Variants in FRMD4B observed in about 807,000 individuals in gnomAD.
FRMD4B encodes FERM domain-containing protein 4B.
A neutral mutation model predicts 141.5 loss-of-function variants in FRMD4B; 74 were observed. The ratio of observed to expected loss-of-function variants is 0.52; its 90% CI spans 0.43 to 0.63. The LOEUF (loss-of-function observed/expected upper bound fraction) is 0.63, where lower values mean the gene tolerates loss of function less well. FRMD4B is among the 30% of genes least tolerant of loss of function. The pLI is 0.00. For synonymous variants in FRMD4B, 506 were observed against 467.9 expected (o/e 1.08, Z -1.05); for missense variants, 1,366 against 1,253.4 (o/e 1.09, Z -1.36).
intron 1 of FRMD4B, among the ~76,000 whole-genome samples, chr3:69,318,065 G>A (rs1701864591): frequency 6.6e-6 from 1 of 152,100 alleles, no homozygotes; most frequent in Admixed American, 6.6e-5. Context: ...TCGACCTCCT[G>A]GGCTCAAGTG....
chr3:69,219,396 A>G lies in FRMD4B; in HGVS notation c.732-1017T>C, dbSNP rs536428658. ...GGAAGTGTAATGAATAATTTGACAT[A>G]TTTTTTAAAAGTAAATGGCCCGCAT... On this transcript the variant is annotated intron_variant, in intron 9 of 22. Coordinates refer to ENST00000398540, the MANE Select transcript of FRMD4B (RefSeq NM_015123.3). Among the ~76,000 whole-genome samples the G allele has an allele frequency of 3.0e-4, 45 of 152,144 alleles. No individual in the cohort carries two copies. In the South Asian group the frequency reaches 4.6e-3, roughly 15 times the overall value.
At chr3:69,432,770 C>T (rs561108322) in intron 1 of FRMD4B, 1 of 152,304 alleles carries the variant, frequency 6.6e-6, no homozygotes, top group Non-Finnish European at 1.5e-5. Context: ...GCCTGTAATA[C>T]AGAAGAGAGA....
intron 1 of FRMD4B, among the ~76,000 whole-genome samples, chr3:69,320,403 G>T (rs1460331379): frequency 2.6e-5 from 4 of 151,846 alleles, no homozygotes; most frequent in Non-Finnish European, 5.9e-5. Flanking sequence ...GACCCACCTG[G>T]GCGACATAGT....
At chr3:69,421,227 A>G (rs554045847) in intron 2 of FRMD4B, among the ~76,000 whole-genome samples, 1 of 152,362 alleles carries the variant, frequency 6.6e-6, no homozygotes, top group Non-Finnish European at 1.5e-5. Context: ...ACAGTATACC[A>G]GCCAGGCCCT....
intron 5 of FRMD4B, among the ~76,000 whole-genome samples, chr3:69,252,943 C>T (rs2093472176): frequency 6.6e-6 from 1 of 152,004 alleles, no homozygotes; most frequent in Non-Finnish European, 1.5e-5. Context: ...GTAATATGAA[C>T]AGTATCAAGT....
At chr3:69,508,507 G>C (rs1263713319) in intron 1 of FRMD4B, among the ~76,000 whole-genome samples, 1 of 152,274 alleles carries the variant, frequency 6.6e-6, no homozygotes, top group East Asian at 1.9e-4. Context: ...GAGAATAGGG[G>C]AAGGGAGAAA....
intron 1 of FRMD4B, among the ~76,000 whole-genome samples, chr3:69,455,326 A>C (rs1294266958): frequency 1.3e-5 from 2 of 152,346 alleles, no homozygotes; most frequent in South Asian, 2.1e-4. Context: ...ACTCTTTGCA[A>C]TAAATTTTTG....
intron 1 of FRMD4B, among the ~76,000 whole-genome samples, chr3:69,540,095 AG>A (rs1403797680): frequency 6.6e-6 from 1 of 151,960 alleles, no homozygotes; most frequent in Admixed American, 6.6e-5. Flanking sequence ...AGGGAGGTTG[AG>A]GGAAGAGAAT....
chr3:69,172,026 T>C lies in FRMD4B; in HGVS notation c.2985-45A>G, dbSNP rs777417124. The C allele has an allele frequency of 4.4e-6, 7 of 1,598,152 alleles. No homozygotes were observed. The East Asian group carries it at 1.1e-4, about 26-fold the overall frequency. On this transcript the variant is annotated intron_variant, in intron 22 of 22. Transcript: ENST00000398540. ...AAGTTACTACTTGTGGCCATATTTT[T>C]GTCCCCACAGCACAAAGACTACTAC...
Position 69,405,151 on chromosome 3 carries a change from TTTC to T in FRMD4B, c.-1+27480_-1+27482del, listed in dbSNP as rs566987807. ...CAGACCTTGTAGATGCCAAGAATGT[TTTC>T]TTTCTCCTTGCTCTTGCCATTGCTT... is the stretch of plus-strand genomic sequence containing the variant. On this transcript the variant is annotated intron_variant, in intron 2 of 5. Transcript: ENST00000459638. Among the ~76,000 whole-genome samples, 768 of 152,340 alleles carry T rather than the reference TTTC, an allele frequency of 5.0e-3. 8 individuals are homozygous for T. Among genetic ancestry groups the T allele is most frequent in the African/African-American group, 0.018 (749 of 41,574 alleles).
At chr3:69,504,824 G>A (rs985224132) in intron 1 of FRMD4B, among the ~76,000 whole-genome samples, 1 of 152,182 alleles carries the variant, frequency 6.6e-6, no homozygotes, top group Non-Finnish European at 1.5e-5. Context: ...GGTGAAAGAT[G>A]ATACACATAA....
intron 11 of FRMD4B, among the ~76,000 whole-genome samples, chr3:69,207,869 CT>C (rs2093039236): frequency 6.6e-6 from 1 of 152,188 alleles, no homozygotes; most frequent in Non-Finnish European, 1.5e-5. Flanking sequence ...CAGCCACTTC[CT>C]TTTCTTCTAG....
chr3:69,379,475 C>T (rs1215661204), intron 1 of FRMD4B, among the ~76,000 whole-genome samples: 2 of 152,118 alleles, frequency 1.3e-5, no homozygotes, highest in Admixed American at 6.6e-5. Context: ...GGTGGGGTTT[C>T]GCCATGTTGC....
intron 1 of FRMD4B, among the ~76,000 whole-genome samples, chr3:69,435,911 GAT>G (rs1347889265): frequency 6.6e-6 from 1 of 152,144 alleles, no homozygotes; most frequent in Non-Finnish European, 1.5e-5. Flanking sequence ...AGTTGCAACA[GAT>G]AAAATTTTCT....
intron 1 of FRMD4B, among the ~76,000 whole-genome samples, chr3:69,369,459 A>G (rs1703763984): frequency 6.6e-6 from 1 of 152,188 alleles, no homozygotes; most frequent in South Asian, 2.1e-4. Context: ...AATTTAGTAT[A>G]TAAGCCTGAA....
rs761662813 is a variant in FRMD4B, at chr3:69,223,018, A to AT, written c.666-1096dup. 5.9e-5 allele frequency among the ~76,000 whole-genome samples: 9 copies of AT among 152,314 alleles called. No homozygotes were observed. The Middle Eastern group carries it at 0.027, about 461-fold the overall frequency. On this transcript the variant is annotated intron_variant, in intron 8 of 22. Transcript: ENST00000398540. ...AATGATTCAGAAAGATTTTACAAGA[A>AT]TTTAAACTGCTTCTGAGTCTGTGTG...
chr3:69,443,699 T>C (rs1011176321), intron 1 of FRMD4B, among the ~76,000 whole-genome samples: 6 of 152,234 alleles, frequency 3.9e-5, no homozygotes, highest in Admixed American at 2.6e-4. Flanking sequence ...CTGTCCTCAC[T>C]CATTCCTGGG....
At chr3:69,335,040 T>G (rs1390108375) in intron 1 of FRMD4B, among the ~76,000 whole-genome samples, 1 of 152,150 alleles carries the variant, frequency 6.6e-6, no homozygotes, top group Non-Finnish European at 1.5e-5. Flanking sequence ...TCCCAGCACT[T>G]TGGGAGGCTG....
At chr3:69,535,686 G>T (rs56257752) in intron 1 of FRMD4B, 6,551 of 326,352 alleles carry the variant, frequency 0.02, 429 homozygotes, top group African/African-American at 0.13. Flanking sequence ...GGCTAGATAC[G>T]TCAGATGAGG....
Sources: gnomAD v4.1 joint callset for allele counts (sites outside exome capture counted in the v4.1 genomes callset) on GRCh38, gnomAD v4.1.1 for gene constraint, MANE v1.5 for transcripts, NCBI Gene and HGNC (gene_info 2026-07-23, HGNC 2026-07-21) for gene names.